The following NRXN3 variants were observed in gnomAD, a reference collection of about 807,000 sequenced individuals.
NRXN3 encodes the protein neurexin III.
A neutral mutation model predicts 137.6 loss-of-function variants in NRXN3; 32 were observed. The observed-to-expected ratio is 0.23, with a 90% CI of 0.18 to 0.31. NRXN3 has a LOEUF of 0.31. Ranked by LOEUF, NRXN3 falls within the 10% of genes least tolerant of loss-of-function variation. The probability of loss-of-function intolerance (pLI) is 1.00; values close to 1 mark genes in which losing one functional copy is unlikely to be tolerated. For synonymous variants in NRXN3, 798 were observed against 784.5 expected (o/e 1.02, Z -0.29); for missense variants, 1,574 against 2,062.5 (o/e 0.76, Z 4.59).
At chr14:79,008,396 T>G (rs1485487321) in intron 15 of NRXN3, among the ~76,000 whole-genome samples, 2 of 152,336 alleles carry the variant, frequency 1.3e-5, no homozygotes, top group African/African-American at 2.4e-5. Context: ...TTTTAAAGTT[T>G]TTATTATTGA....
chr14:79,599,135 A>G (rs191382749), intron 16 of NRXN3, among the ~76,000 whole-genome samples: 44 of 152,234 alleles, frequency 2.9e-4, no homozygotes, highest in African/African-American at 9.4e-4. Flanking sequence ...TCATTTCCCA[A>G]CCTCCAATTT....
intron 19 of NRXN3, among the ~76,000 whole-genome samples, chr14:79,789,720 A>G (rs1396571848): frequency 6.6e-6 from 1 of 152,176 alleles, no homozygotes; most frequent in Admixed American, 6.5e-5. Flanking sequence ...TCTCATCGCC[A>G]TCTTGGTTTT....
chr14:79,241,998 C>T (rs1597703593), intron 15 of NRXN3, among the ~76,000 whole-genome samples: 1 of 151,768 alleles, frequency 6.6e-6, no homozygotes, highest in African/African-American at 2.4e-5. Context: ...ACCCAGGAGG[C>T]AGAGGTTGCA....
At chr14:79,393,731 C>T (rs747343342) in intron 15 of NRXN3, among the ~76,000 whole-genome samples, 5 of 152,090 alleles carry the variant, frequency 3.3e-5, no homozygotes, top group Non-Finnish European at 7.4e-5. Flanking sequence ...AGGAGAATGG[C>T]GTGAACCCAG....
chr14:79,568,933 T>C (rs1349364504), intron 16 of NRXN3, among the ~76,000 whole-genome samples: 1 of 152,186 alleles, frequency 6.6e-6, no homozygotes, highest in African/African-American at 2.4e-5. Flanking sequence ...AAGGTAATTG[T>C]GTCCTAGAGT....
chr14:79,234,320 A>AATATT (rs1190608086), intron 15 of NRXN3, among the ~76,000 whole-genome samples: 1 of 113,628 alleles, frequency 8.8e-6, no homozygotes, highest in African/African-American at 3.7e-5. Flanking sequence ...ATATATATAT[A>AATATT]TATATATATA....
chr14:79,586,383 G>T (rs1419681186), intron 16 of NRXN3, among the ~76,000 whole-genome samples: 4 of 152,020 alleles, frequency 2.6e-5, no homozygotes, highest in Non-Finnish European at 4.4e-5. Context: ...TAACAGGTTT[G>T]GTTTTTTGTT....
At chr14:79,554,199 C>T (rs367585487) in intron 16 of NRXN3, among the ~76,000 whole-genome samples, 2 of 152,000 alleles carry the variant, frequency 1.3e-5, no homozygotes, top group East Asian at 1.9e-4. Context: ...CAAAGGACAC[C>T]GGAGGATTCC....
chr14:78,534,245 C>G (rs980302726), intron 4 of NRXN3, among the ~76,000 whole-genome samples: 12 of 152,234 alleles, frequency 7.9e-5, no homozygotes, highest in African/African-American at 2.9e-4. Context: ...ACTGTGGAGA[C>G]TTTTAAGCCT....
At chr14:79,598,296 G>T (rs2097883067) in intron 16 of NRXN3, among the ~76,000 whole-genome samples, 1 of 152,134 alleles carries the variant, frequency 6.6e-6, no homozygotes, top group African/African-American at 2.4e-5. Context: ...TCTTCAAAAA[G>T]TCAGGTCATG....
At chr14:79,467,695 T>A (rs1008688991) in intron 16 of NRXN3, among the ~76,000 whole-genome samples, 1 of 152,156 alleles carries the variant, frequency 6.6e-6, no homozygotes, top group Non-Finnish European at 1.5e-5. Flanking sequence ...TTCTAGGGTA[T>A]ATTTAAGAGA....
chr14:79,605,043 A>T (rs2097987259), intron 16 of NRXN3, among the ~76,000 whole-genome samples: 1 of 152,162 alleles, frequency 6.6e-6, no homozygotes, highest in African/African-American at 2.4e-5. Flanking sequence ...AAAAAATTTT[A>T]AAAATAATAA....
chr14:78,338,409 A>G (rs1404338695), intron 4 of NRXN3, among the ~76,000 whole-genome samples: 2 of 152,200 alleles, frequency 1.3e-5, no homozygotes, highest in Admixed American at 6.5e-5. Flanking sequence ...TTTCTAGTCC[A>G]AGGGTCTAGA....
intron 19 of NRXN3, among the ~76,000 whole-genome samples, chr14:79,746,729 T>A (rs2098980871): frequency 6.6e-6 from 1 of 152,170 alleles, no homozygotes; most frequent in Non-Finnish European, 1.5e-5. Flanking sequence ...TTTGCATGTA[T>A]TCAAAAGGCA....
At chr14:78,483,413 T>G (rs2153742466) in intron 4 of NRXN3, among the ~76,000 whole-genome samples, 1 of 152,302 alleles carries the variant, frequency 6.6e-6, no homozygotes, top group East Asian at 1.9e-4. Flanking sequence ...GACTTAGCAG[T>G]TACGGAAAGG....
intron 4 of NRXN3, among the ~76,000 whole-genome samples, chr14:78,378,362 A>G (rs1032860217): frequency 6.6e-6 from 1 of 152,100 alleles, no homozygotes; most frequent in South Asian, 2.1e-4. Flanking sequence ...GTGCACAGCT[A>G]TAGTTCCAGC....
intron 14 of NRXN3, among the ~76,000 whole-genome samples, chr14:78,978,315 A>G (rs1325861192): frequency 6.6e-6 from 1 of 152,120 alleles, no homozygotes; most frequent in Non-Finnish European, 1.5e-5. Context: ...TGACAATGAG[A>G]TTTTATAATA....
rs955138278 is a variant in NRXN3, at chr14:79,104,046, A to C, written c.3262+115905A>C. ...TGCCTGCACATGCACAGATGTGCAC[A>C]TTTCATCCAGTAATTCCAACTAATT... On this transcript the variant is annotated intron_variant, in intron 15 of 20. Transcript: ENST00000335750. Among the ~76,000 whole-genome samples, 17 of 152,298 alleles carry C rather than the reference A, an allele frequency of 1.1e-4. No homozygotes were observed. In the East Asian group the frequency reaches 3.3e-3, roughly 29 times the overall value.
At chr14:79,088,306 T>C (rs1285806363) in intron 15 of NRXN3, among the ~76,000 whole-genome samples, 1 of 149,552 alleles carries the variant, frequency 6.7e-6, no homozygotes, top group Non-Finnish European at 1.5e-5. Flanking sequence ...TAAAGTGATT[T>C]GAAGCCCCAG....
Sources: gnomAD v4.1 joint callset for allele counts (sites outside exome capture counted in the v4.1 genomes callset) on GRCh38, gnomAD v4.1.1 for gene constraint, MANE v1.5 for transcripts, NCBI Gene and HGNC (gene_info 2026-07-23, HGNC 2026-07-21) for gene names.